The following ENPP6 variants were observed in gnomAD, a reference collection of about 807,000 sequenced individuals.
The protein encoded by ENPP6 is glycerophosphocholine cholinephosphodiesterase ENPP6.
A neutral mutation model predicts 42.0 loss-of-function variants in ENPP6; 32 were observed. The observed-to-expected ratio is 0.76, with a 90% CI of 0.58 to 1.02. The LOEUF (loss-of-function observed/expected upper bound fraction) is 1.02, where lower values mean the gene tolerates loss of function less well. Among genes scored for constraint, ENPP6 ranks in the 50% least tolerant of loss-of-function variants. The pLI is 0.00. For synonymous variants in ENPP6, 213 were observed against 216.0 expected (o/e 0.99, Z 0.12); for missense variants, 552 against 566.8 (o/e 0.97, Z 0.27).
chr4:184,105,266 C>CA (rs1236646138), intron 6 of ENPP6, among the ~76,000 whole-genome samples: 1 of 152,084 alleles, frequency 6.6e-6, no homozygotes, highest in Non-Finnish European at 1.5e-5. Context: ...GGGCTTGGAA[C>CA]AACTGTAGAG....
chr4:184,144,826 GTCT>G, intron 2 of ENPP6, among the ~76,000 whole-genome samples: 1 of 152,362 alleles, frequency 6.6e-6, no homozygotes, highest in South Asian at 2.1e-4. Flanking sequence ...GAGCAACAAG[GTCT>G]TCTTCACTGG....
At chr4:184,169,676 G>A (rs1255754953) in intron 1 of ENPP6, among the ~76,000 whole-genome samples, 1 of 152,224 alleles carries the variant, frequency 6.6e-6, no homozygotes, top group Non-Finnish European at 1.5e-5. Flanking sequence ...AAGGCTCTAG[G>A]CCGCAGTTGA....
intron 1 of ENPP6, among the ~76,000 whole-genome samples, chr4:184,207,916 C>T (rs1425287103): frequency 6.6e-6 from 1 of 152,206 alleles, no homozygotes; most frequent in Non-Finnish European, 1.5e-5. Context: ...TTGCTGTGTC[C>T]TCAGATGGCC....
intron 7 of ENPP6, among the ~76,000 whole-genome samples, chr4:184,095,123 CG>C (rs1421929874): frequency 6.6e-6 from 1 of 152,154 alleles, no homozygotes; most frequent in African/African-American, 2.4e-5. Flanking sequence ...TGATGGTTTG[CG>C]GGAGGCTCTC....
At chr4:184,131,181 CTTTCTTTCTTTCTTTCTTT>C (rs1736610300) in intron 2 of ENPP6, among the ~76,000 whole-genome samples, 1 of 60,472 alleles carries the variant, frequency 1.7e-5, no homozygotes, top group Admixed American at 1.4e-4. Flanking sequence ...TTCTTTCTTT[CTTTCTTTCTTTCTTTCTTT>C]CTTCTTTCTT....
intron 2 of ENPP6, among the ~76,000 whole-genome samples, chr4:184,147,233 G>A (rs540639074): frequency 9.1e-4 from 139 of 152,222 alleles, no homozygotes; most frequent in Non-Finnish European, 1.6e-3. Flanking sequence ...GCAGGTCCTG[G>A]CAGTTCCAAT....
intron 2 of ENPP6, among the ~76,000 whole-genome samples, chr4:184,131,626 A>C (rs976988440): frequency 2.0e-5 from 3 of 151,772 alleles, no homozygotes; most frequent in Non-Finnish European, 4.4e-5. Flanking sequence ...GGCCTCCCAA[A>C]GTGCTGGGAT....
intron 3 of ENPP6, among the ~76,000 whole-genome samples, chr4:184,121,946 G>C (rs888929276): frequency 6.6e-6 from 1 of 152,218 alleles, no homozygotes; most frequent in South Asian, 2.1e-4. Context: ...GGCTTCCTGT[G>C]TCTTCAGGGG....
chr4:184,124,023 A>C, intron 3 of ENPP6, 138 bp downstream of exon 3: 1 of 584,604 alleles, frequency 1.7e-6, no homozygotes, highest in South Asian at 2.8e-5. Context: ...ACTAGCAGTT[A>C]ACAATCACTA....
intron 6 of ENPP6, among the ~76,000 whole-genome samples, chr4:184,101,304 TTGTGTGTGTGTG>T (rs56174532): frequency 0.13 from 18,452 of 136,946 alleles, 1,426 homozygotes; most frequent in East Asian, 0.33. Context: ...GTGTGTGAGC[TTGTGTGTGTGTG>T]TGTGTGTGTG....
intron 2 of ENPP6, among the ~76,000 whole-genome samples, chr4:184,138,873 G>T (rs1736773078): frequency 6.6e-6 from 1 of 152,222 alleles, no homozygotes. Context: ...CCCAACTAAA[G>T]CTCTATGTGC....
At position 184,091,048 on chromosome 4, in the gene ENPP6, T is replaced by C. The variant is rs1007522229; in HGVS notation, c.*129A>G. ...TATGTATAGAATTATCCAAGAATAATGTATTTACAATGTGCATGGTCTTGA... is the reference window on the plus strand; with the variant it reads ...TATGTATAGAATTATCCAAGAATAACGTATTTACAATGTGCATGGTCTTGA... On this transcript the variant is annotated 3_prime_UTR_variant, in exon 8 of 8. Coordinates refer to ENST00000296741, the MANE Select transcript of ENPP6 (RefSeq NM_153343.4). 42 of 791,248 alleles carry C rather than the reference T, an allele frequency of 5.3e-5. No individual in the cohort carries two copies. The highest frequency in any genetic ancestry group is 2.8e-4 in the Admixed American group (8 of 28,442). 49.0% of individuals were successfully genotyped at this position (791,248 alleles called of 1,614,324 possible).
intron 6 of ENPP6, among the ~76,000 whole-genome samples, chr4:184,106,615 C>T (rs906690182): frequency 6.6e-6 from 1 of 152,078 alleles, no homozygotes; most frequent in African/African-American, 2.4e-5. Context: ...CAGAGAGGGC[C>T]CCCCCAGCCC....
chr4:184,137,393 G>A (rs143479441), intron 2 of ENPP6, among the ~76,000 whole-genome samples: 7 of 152,322 alleles, frequency 4.6e-5, no homozygotes, highest in Non-Finnish European at 7.3e-5. Flanking sequence ...CACTGTGCCC[G>A]GCCTATAGTG....
chr4:184,142,763 C>T (rs192162610), intron 2 of ENPP6, among the ~76,000 whole-genome samples: 86 of 152,334 alleles, frequency 5.6e-4, no homozygotes, highest in African/African-American at 1.9e-3. Context: ...TGAGTCTCAG[C>T]TTCAGGGAGG....
chr4:184,191,290 G>A (rs11132233), intron 1 of ENPP6, among the ~76,000 whole-genome samples: 124,680 of 151,850 alleles, frequency 0.82, 51,554 homozygotes, highest in East Asian at 0.98. Context: ...TGTAAAATGG[G>A]AACAATTGTG....
rs115442803 is a variant in ENPP6, at chr4:184,192,523, C to T, written c.241+25056G>A. On this transcript the variant is annotated intron_variant, in intron 1 of 7. Transcript: ENST00000296741. The stretch of plus-strand genomic sequence containing the variant: ...AAGAAAACATAGGAGTAAATCATCA[C>T]GATGTTGGGTTAGGCAATTATTTTG... 4.8e-3 allele frequency among the ~76,000 whole-genome samples: 724 copies of T among 152,192 alleles called. 9 individuals carry two copies. Among genetic ancestry groups the T allele is most frequent in the African/African-American group, 0.016 (685 of 41,528 alleles).
At chr4:184,152,079 T>C (rs1035008689) in intron 2 of ENPP6, among the ~76,000 whole-genome samples, 12 of 152,210 alleles carry the variant, frequency 7.9e-5, no homozygotes, top group African/African-American at 2.9e-4. Context: ...GCTATGTCTT[T>C]GTTGCTTGGC....
intron 6 of ENPP6, among the ~76,000 whole-genome samples, chr4:184,105,585 A>G (rs1736073723): frequency 6.6e-6 from 1 of 152,238 alleles, no homozygotes; most frequent in African/African-American, 2.4e-5. Flanking sequence ...AACTCAGTAA[A>G]TACAGTATCC....
Sources: allele counts gnomAD v4.1 joint callset (sites outside exome capture counted in the v4.1 genomes callset), GRCh38; gene constraint gnomAD v4.1.1; transcripts MANE v1.5; gene names NCBI Gene and HGNC (gene_info 2026-07-23, HGNC 2026-07-21).